The following TDRD1 variants were observed in gnomAD, a reference collection of about 807,000 sequenced individuals.
The protein encoded by TDRD1 is tudor domain-containing protein 1.
TDRD1 carries 37 observed loss-of-function variants against 140.6 expected under a neutral mutation model. The observed-to-expected ratio is 0.26, with a 90% CI of 0.20 to 0.35. The LOEUF (loss-of-function observed/expected upper bound fraction) is 0.35. Ranked by LOEUF, TDRD1 falls within the 10% of genes least tolerant of loss-of-function variation. The pLI, the probability that TDRD1 is intolerant of heterozygous loss-of-function variation, is 1.00. For missense variants in TDRD1, 1,243 were observed against 1,393.0 expected (o/e 0.89, Z 1.71); for synonymous variants, 506 against 475.7 (o/e 1.06, Z -0.83).
intron 3 of TDRD1, among the ~76,000 whole-genome samples, chr10:114,194,723 G>GT (rs1013007476): frequency 1.4e-5 from 2 of 144,578 alleles, no homozygotes; most frequent in East Asian, 2.0e-4. Context: ...TTGTTTGGGG[G>GT]TTTTTTTGTT....
At chr10:114,196,060 C>T (rs531456755) in intron 3 of TDRD1, among the ~76,000 whole-genome samples, 23 of 152,308 alleles carry the variant, frequency 1.5e-4, no homozygotes, top group Admixed American at 7.2e-4. Flanking sequence ...AGATTTAGAA[C>T]GCCTTCAGAC....
intron 25 of TDRD1, among the ~76,000 whole-genome samples, chr10:114,229,091 CAAAACAAAACA>C (rs941599641): frequency 6.0e-4 from 6 of 9,952 alleles, no homozygotes; most frequent in East Asian, 9.3e-3. Context: ...AAAAACAAAA[CAAAACAAAACA>C]AAAAAAAAAA....
intron 11 of TDRD1, among the ~76,000 whole-genome samples, chr10:114,208,526 C>T (rs1162885502): frequency 6.6e-6 from 1 of 152,328 alleles, no homozygotes; most frequent in East Asian, 1.9e-4. Flanking sequence ...GAGCTAGCGA[C>T]ATCACCATGC....
chr10:114,209,234 A>G (rs2035325511), intron 11 of TDRD1, among the ~76,000 whole-genome samples: 1 of 152,202 alleles, frequency 6.6e-6, no homozygotes, highest in East Asian at 1.9e-4. Context: ...TCTTAAAAAA[A>G]CAATAACTCA....
intron 14 of TDRD1, among the ~76,000 whole-genome samples, chr10:114,212,716 A>G (rs890387571): frequency 3.3e-5 from 5 of 152,224 alleles, no homozygotes; most frequent in South Asian, 4.1e-4. Flanking sequence ...ATATGTTAAT[A>G]TAAGGGACCA....
In TDRD1 at chr10:114,218,348, A is replaced by G. The variant is rs768439728; in HGVS notation, c.2324-66A>G. 3.3e-6 allele frequency: 4 copies of G among 1,195,662 alleles called. No homozygotes were observed. In the Admixed American group the frequency reaches 8.6e-5, roughly 26 times the overall value. The allele number at this position is 1,195,662 out of a possible 1,614,324, so 74.1% of individuals were successfully genotyped here. On this transcript the variant is annotated intron_variant, in intron 17 of 25. Coordinates refer to ENST00000251864, the Ensembl canonical transcript of TDRD1. ...TTTAGACAAAGGGTGGCTTTTTTCAAGATAAGTATTTCAAGTGTCGATAGA... is the reference window on the plus strand; with the variant it reads ...TTTAGACAAAGGGTGGCTTTTTTCAGGATAAGTATTTCAAGTGTCGATAGA...
At chr10:114,210,374 A>G (rs1010958595) in intron 11 of TDRD1, among the ~76,000 whole-genome samples, 3 of 152,216 alleles carry the variant, frequency 2.0e-5, no homozygotes, top group Admixed American at 6.5e-5. Context: ...TTCTTGGACC[A>G]GTCTAGCTTT....
intron 4 of TDRD1, 28 bp downstream of exon 4, chr10:114,199,345 ATTC>A (rs764150675): frequency 7.0e-6 from 11 of 1,564,804 alleles, no homozygotes; most frequent in Admixed American, 4.3e-5. Context: ...GGGTGTCTGA[ATTC>A]TTCTTCCACA....
chr10:114,217,021 T>C (rs1463805823), intron 16 of TDRD1, among the ~76,000 whole-genome samples: 11 of 152,248 alleles, frequency 7.2e-5, no homozygotes, highest in Non-Finnish European at 1.5e-4. Context: ...GCTAGCCTGC[T>C]GCCCACTTTT....
intron 11 of TDRD1, among the ~76,000 whole-genome samples, chr10:114,207,959 C>T (rs992277894): frequency 2.0e-5 from 3 of 151,854 alleles, no homozygotes; most frequent in African/African-American, 2.4e-5. Context: ...CAGGGTGCAA[C>T]GGAAGCAGGT....
intron 25 of TDRD1, among the ~76,000 whole-genome samples, chr10:114,229,821 T>A (rs927629669): frequency 1.5e-4 from 23 of 150,184 alleles, no homozygotes; most frequent in Admixed American, 3.3e-4. Context: ...ATATATATTT[T>A]TTTTTTATTT....
At chr10:114,221,609 C>T in intron 20 of TDRD1, 133 bp downstream of exon 20, 1 of 857,396 alleles carries the variant, frequency 1.2e-6, no homozygotes, top group South Asian at 1.8e-5. Context: ...GATCATAACA[C>T]TTAAGGCAAA....
upstream of TDRD1, among the ~76,000 whole-genome samples, chr10:114,177,446 C>T (rs183249248): frequency 1.6e-4 from 24 of 152,230 alleles, no homozygotes; most frequent in Admixed American, 8.5e-4. Flanking sequence ...TCCAATAACC[C>T]GTAACTCCTT....
At chr10:114,206,411 A>G in intron 11 of TDRD1, 81 bp downstream of exon 11, 4 of 1,071,314 alleles carry the variant, frequency 3.7e-6, no homozygotes, top group Non-Finnish European at 5.6e-6. Context: ...GCACAACTTT[A>G]GCACTGTTAA....
intron 25 of TDRD1, chr10:114,228,534 G>T (rs982218353): frequency 3.0e-6 from 3 of 991,748 alleles, no homozygotes; most frequent in Middle Eastern, 5.1e-4. Context: ...TTTTTGCGAG[G>T]GGTATCTAAA....
chr10:114,188,717 C>CGT (rs1458416912), intron 2 of TDRD1, among the ~76,000 whole-genome samples: 1 of 151,850 alleles, frequency 6.6e-6, no homozygotes, highest in Non-Finnish European at 1.5e-5. Context: ...ACTAGCCGGG[C>CGT]GTGGTGGCAC....
At chr10:114,177,430 C>G (rs2032717148), upstream of TDRD1, among the ~76,000 whole-genome samples, 1 of 152,202 alleles carries the variant, frequency 6.6e-6, no homozygotes, top group African/African-American at 2.4e-5. Flanking sequence ...CCTCTGTGGT[C>G]TTCCTTCCAA....
At chr10:114,191,476 C>T (rs2033962279) in intron 3 of TDRD1, among the ~76,000 whole-genome samples, 1 of 152,192 alleles carries the variant, frequency 6.6e-6, no homozygotes, top group Non-Finnish European at 1.5e-5. Flanking sequence ...AGGCTACATA[C>T]AAACAGTACG....
rs1388351607 is a variant in TDRD1 at position 114,210,851 on chromosome 10, T to C, written c.1553-9T>C. On this transcript the variant is annotated splice_polypyrimidine_tract_variant and intron_variant, in intron 12 of 25. Transcript: ENST00000251864. ...ACGTATTTCTTTAAGATGTGATCTT[T>C]ATCTGCAGGAAAGCTTGCTGAACTT... 1 of 1,614,012 alleles carries C rather than the reference T, an allele frequency of 6.2e-7. No homozygotes were observed. Among genetic ancestry groups the C allele is most frequent in the Non-Finnish European group, 8.5e-7 (1 of 1,179,904 alleles).
Sources: gnomAD v4.1 joint callset for allele counts (sites outside exome capture counted in the v4.1 genomes callset) on GRCh38, gnomAD v4.1.1 for gene constraint, MANE v1.5 for transcripts, NCBI Gene and HGNC (gene_info 2026-07-23, HGNC 2026-07-21) for gene names.